DOCK2: variants seen among roughly 807,000 people sequenced by gnomAD.
DOCK2 encodes the protein dedicator of cytokinesis 2, also known as dedicator of cytokinesis protein 2.
DOCK2 carries 87 observed loss-of-function variants against 248.9 expected under a neutral mutation model. That is an observed-to-expected ratio of 0.35 (90% CI 0.29 to 0.42). The LOEUF (loss-of-function observed/expected upper bound fraction) is 0.42, where lower values mean the gene tolerates loss of function less well. DOCK2 is among the 10% of genes least tolerant of loss of function. The probability of loss-of-function intolerance (pLI) is 1.00; values close to 1 mark genes in which losing one functional copy is unlikely to be tolerated. For missense variants in DOCK2, 1,747 were observed against 2,300.2 expected, an observed-to-expected ratio of 0.76 and a Z score of 4.92; for synonymous variants, 805 against 821.6, an observed-to-expected ratio of 0.98 and a Z score of 0.35.
chr5:170,054,484 G>A (rs1023127028), intron 41 of DOCK2, among the ~76,000 whole-genome samples: 35 of 152,218 alleles, frequency 2.3e-4, no homozygotes, highest in African/African-American at 8.4e-4. Context: ...CCCACATAGT[G>A]CTTTTCCAAT....
chr5:169,760,005 G>A (rs1764391596), intron 24 of DOCK2, among the ~76,000 whole-genome samples: 1 of 152,146 alleles, frequency 6.6e-6, no homozygotes, highest in South Asian at 2.1e-4. Context: ...TTGATGATAT[G>A]AAAATTAATC....
At chr5:170,009,528 G>A (rs1029806269) in intron 32 of DOCK2, among the ~76,000 whole-genome samples, 1 of 152,164 alleles carries the variant, frequency 6.6e-6, no homozygotes, top group African/African-American at 2.4e-5. Context: ...AGGATGGATG[G>A]GTGGATGGAT....
At chr5:170,028,010 A>G in intron 34 of DOCK2, 62 bp downstream of exon 34, 1 of 1,504,922 alleles carries the variant, frequency 6.6e-7, no homozygotes, top group Non-Finnish European at 9.1e-7. Context: ...GGGAGGGCTC[A>G]GAACTCCAGG....
intron 22 of DOCK2, among the ~76,000 whole-genome samples, chr5:169,733,441 A>G (rs533695084): frequency 6.6e-6 from 1 of 151,884 alleles, no homozygotes; most frequent in South Asian, 2.1e-4. Flanking sequence ...AACAGTTAGT[A>G]TTTATGTTTT....
intron 27 of DOCK2, among the ~76,000 whole-genome samples, chr5:169,899,542 A>G (rs1007258525): frequency 2.6e-5 from 4 of 152,230 alleles, no homozygotes; most frequent in Non-Finnish European, 4.4e-5. Flanking sequence ...CAAAAGATCA[A>G]TAATGGAGAA....
intron 27 of DOCK2, among the ~76,000 whole-genome samples, chr5:169,904,649 C>G (rs1483416165): frequency 6.6e-6 from 1 of 152,194 alleles, no homozygotes; most frequent in Non-Finnish European, 1.5e-5. Flanking sequence ...GAGGGCCCCG[C>G]AGTCCTTTAA....
rs559256762 is a variant in DOCK2, at chr5:169,848,248, A to G, written c.2799+7396A>G. ...TCACACACAGGTAGGCAATATTGCT[A>G]TCTCCTGTTGTTTGGGGGAACAGAT... On this transcript the variant is annotated intron_variant, in intron 27 of 51. Transcript: ENST00000520908. Among the ~76,000 whole-genome samples the G allele has an allele frequency of 3.9e-5, 6 of 152,354 alleles. No homozygotes were observed. The East Asian group carries it at 9.6e-4, about 24-fold the overall frequency.
chr5:169,706,170 C>CA (rs759106458), intron 14 of DOCK2, among the ~76,000 whole-genome samples: 3 of 152,220 alleles, frequency 2.0e-5, no homozygotes, highest in Non-Finnish European at 2.9e-5. Context: ...CTTAGGAAAT[C>CA]AAAAATTTTC....
intron 30 of DOCK2, chr5:169,998,125 T>C (rs1347620038): frequency 1.8e-5 from 8 of 445,078 alleles, no homozygotes; most frequent in Non-Finnish European, 3.2e-5. Context: ...ACAGTCATTA[T>C]GCAAAACCAT....
In DOCK2 at chr5:169,864,606, G is replaced by C. The variant is rs1010079145; in HGVS notation, c.2799+23754G>C. On this transcript the variant is annotated intron_variant, in intron 27 of 51. Coordinates refer to ENST00000520908, the MANE Select transcript of DOCK2 (RefSeq NM_004946.3). ...GGTACCTACTGGCTCTTTGACCTTG[G>C]GAAAGTGATGCCACCTCTCTGAACC... 5 of 638,468 alleles carry C rather than the reference G, an allele frequency of 7.8e-6. No homozygotes were observed. In the Admixed American group the frequency reaches 1.3e-4, roughly 16 times the overall value. The allele number at this position is 638,468 out of a possible 1,614,324, so 39.6% of individuals were successfully genotyped here. A position where few individuals can be genotyped will look rare whatever the true frequency, so the allele number is the denominator to read the frequency against.
chr5:169,710,369 C>G (rs1439783420), intron 15 of DOCK2, among the ~76,000 whole-genome samples: 1 of 152,194 alleles, frequency 6.6e-6, no homozygotes, highest in African/African-American at 2.4e-5. Flanking sequence ...CCCAGTTCAT[C>G]AAGCTGCACC....
chr5:169,749,187 G>T (rs755007947), intron 23 of DOCK2, among the ~76,000 whole-genome samples: 1 of 152,232 alleles, frequency 6.6e-6, no homozygotes, highest in Non-Finnish European at 1.5e-5. Flanking sequence ...TAGGTGGAAA[G>T]CATCATTGGT....
At chr5:169,927,773 C>A (rs186602450) in intron 27 of DOCK2, among the ~76,000 whole-genome samples, 6 of 152,262 alleles carry the variant, frequency 3.9e-5, no homozygotes, top group Non-Finnish European at 5.9e-5. Context: ...CCCGCCACCA[C>A]GCCTGGCTAA....
At position 170,050,433 on chromosome 5, in the gene DOCK2, C is replaced by T. The variant is rs768908171; in HGVS notation, c.4213+36C>T. 6.3e-6 allele frequency: 10 copies of T among 1,593,390 alleles called. No individual in the cohort carries two copies. In the East Asian group the frequency reaches 1.3e-4, roughly 21 times the overall value. On this transcript the variant is annotated intron_variant, in intron 41 of 51. Transcript: ENST00000520908. The stretch of plus-strand genomic sequence containing the variant: ...AGAATGCCCTAGCCAAGGGGCCAGA[C>T]CTGAGCAGCCCTGCCAGGGCTGCAG...
At chr5:169,779,666 CTCTG>C (rs1765586299) in intron 25 of DOCK2, among the ~76,000 whole-genome samples, 1 of 152,222 alleles carries the variant, frequency 6.6e-6, no homozygotes, top group African/African-American at 2.4e-5. Context: ...CCCTGTCCGT[CTCTG>C]TCTGTCTCTC....
At chr5:169,696,639 A>T (rs1006059788) in intron 10 of DOCK2, among the ~76,000 whole-genome samples, 10 of 152,184 alleles carry the variant, frequency 6.6e-5, no homozygotes, top group African/African-American at 2.4e-4. Context: ...TTTTCTTTTT[A>T]TTAAAATATA....
chr5:170,067,699 G>A lies in DOCK2; in HGVS notation c.4644+13G>A. 3 of 1,613,616 alleles carry A rather than the reference G, an allele frequency of 1.9e-6. No individual in the cohort carries two copies. The highest frequency in any genetic ancestry group is 1.7e-4 in the Middle Eastern group (1 of 6,058). Reference sequence around the variant, plus strand: ...CAAGTATGAGAAGGTGAGGATTTCTGTTCTCCAAGTCTAGGGGAGCTCGGT... The same window carrying A: ...CAAGTATGAGAAGGTGAGGATTTCTATTCTCCAAGTCTAGGGGAGCTCGGT... On this transcript the variant is annotated intron_variant, in intron 45 of 51. Coordinates refer to ENST00000520908, the MANE Select transcript of DOCK2 (RefSeq NM_004946.3).
rs79168762 is a variant in DOCK2 at position 169,744,800 on chromosome 5, G to A, written c.2268-2596G>A. Among the ~76,000 whole-genome samples the A allele has an allele frequency of 5.3e-3, 814 of 152,272 alleles. 9 individuals are homozygous for A. The highest frequency in any genetic ancestry group is 0.019 in the African/African-American group (784 of 41,554). On this transcript the variant is annotated intron_variant, in intron 22 of 51. Transcript: ENST00000520908. ...AGGAGAACTGCCAGGGGGCCATTCA[G>A]TTATGGAGGGTAGGATTGGACAGGC... is the stretch of plus-strand genomic sequence containing the variant.
At chr5:169,819,062 T>C (rs1013461909) in intron 26 of DOCK2, among the ~76,000 whole-genome samples, 4 of 152,194 alleles carry the variant, frequency 2.6e-5, no homozygotes, top group African/African-American at 9.7e-5. Flanking sequence ...CTTTTATATC[T>C]GGGGACAAGG....
Sources: allele counts gnomAD v4.1 joint callset (sites outside exome capture counted in the v4.1 genomes callset), GRCh38; gene constraint gnomAD v4.1.1; transcripts MANE v1.5; gene names NCBI Gene and HGNC (gene_info 2026-07-23, HGNC 2026-07-21).